EDNRB: variants seen among roughly 807,000 people sequenced by gnomAD.
EDNRB encodes Hirschsprung disease 2.
In EDNRB, 18 loss-of-function variants were observed where a neutral mutation model predicts 46.4. The observed-to-expected ratio is 0.39, with a 90% CI of 0.27 to 0.57. The LOEUF (loss-of-function observed/expected upper bound fraction) is 0.57, where lower values mean the gene tolerates loss of function less well. Among genes scored for constraint, EDNRB ranks in the 20% least tolerant of loss-of-function variants. EDNRB has a pLI of 0.61. For missense variants in EDNRB, 434 were observed against 537.5 expected (o/e 0.81, Z 1.90); for synonymous variants, 213 against 204.9 (o/e 1.04, Z -0.34).
chr13:77,959,382 G>T (rs1881335871), intron 1 of EDNRB, among the ~76,000 whole-genome samples: 1 of 152,224 alleles, frequency 6.6e-6, no homozygotes, highest in Non-Finnish European at 1.5e-5. Context: ...TTGCTGTTCA[G>T]CAATATTCGC....
chr13:77,919,802 C>A, upstream of EDNRB: 3 of 584,248 alleles, frequency 5.1e-6, no homozygotes, highest in Non-Finnish European at 6.0e-6. Flanking sequence ...CAAATGAACC[C>A]AAATCAAGGG....
chr13:77,910,494 A>G (rs909561878), intron 1 of EDNRB, among the ~76,000 whole-genome samples: 1 of 152,140 alleles, frequency 6.6e-6, no homozygotes, highest in African/African-American at 2.4e-5. Context: ...ACACAAAGAA[A>G]TAGTTCAAAG....
intron 1 of EDNRB, among the ~76,000 whole-genome samples, chr13:77,938,334 C>T (rs961465958): frequency 1.4e-4 from 21 of 149,914 alleles, no homozygotes; most frequent in Non-Finnish European, 2.7e-4. Context: ...AGGGATGGGG[C>T]ACAGAGATAA....
chr13:77,935,227 A>G (rs190915272), intron 1 of EDNRB, among the ~76,000 whole-genome samples: 2,213 of 152,340 alleles, frequency 0.015, 46 homozygotes, highest in East Asian at 0.025. Context: ...TTGAGGGCTA[A>G]GCAAAACAGT....
Position 77,918,776 on chromosome 13 carries a change from T to G in EDNRB, c.-203A>C. 7.5e-7 allele frequency: 1 copy of G among 1,335,400 alleles called. No individual in the cohort carries two copies. The highest frequency in any genetic ancestry group is 2.3e-5 in the South Asian group (1 of 43,972). The allele number at this position is 1,335,400 out of a possible 1,614,324, so 82.7% of individuals were successfully genotyped here. Reference sequence around the variant, plus strand: ...GCGCCAGTGGGAAACTTGGCGCTCATGACTCGCCAGCGCGGGTCGAAACTC... The same window carrying G: ...GCGCCAGTGGGAAACTTGGCGCTCAGGACTCGCCAGCGCGGGTCGAAACTC... On this transcript the variant is annotated 5_prime_UTR_variant, in exon 1 of 7. The change abolishes an upstream ATG in the 5' untranslated region. Coordinates refer to ENST00000646607, the MANE Select transcript of EDNRB (RefSeq NM_001122659.3). The surrounding 1 kb of genome is among the most constrained non-coding windows in gnomAD (Gnocchi z 4.5).
intron 1 of EDNRB, among the ~76,000 whole-genome samples, chr13:77,937,052 T>C (rs1455448360): frequency 6.6e-6 from 1 of 152,116 alleles, no homozygotes. Context: ...CAGGAGTGGA[T>C]TGGGTGATAA....
At chr13:77,972,008 G>T (rs148385585) in intron 1 of EDNRB, among the ~76,000 whole-genome samples, 1 of 152,280 alleles carries the variant, frequency 6.6e-6, no homozygotes, top group East Asian at 1.9e-4. Context: ...TAAGCTCATC[G>T]CATCCCTTCA....
chr13:77,972,406 C>T (rs1881761650), intron 1 of EDNRB, among the ~76,000 whole-genome samples: 1 of 152,124 alleles, frequency 6.6e-6, no homozygotes, highest in African/African-American at 2.4e-5. Context: ...TTCTATGATC[C>T]TCTAGTAAAA....
chr13:77,944,373 A>G (rs1162202886), intron 1 of EDNRB, among the ~76,000 whole-genome samples: 3 of 152,156 alleles, frequency 2.0e-5, no homozygotes, highest in Non-Finnish European at 4.4e-5. Flanking sequence ...TGTGATTCCT[A>G]TAAACTCTGA....
At chr13:77,969,047 A>C (rs965030888) in intron 1 of EDNRB, among the ~76,000 whole-genome samples, 9 of 152,182 alleles carry the variant, frequency 5.9e-5, no homozygotes, top group Non-Finnish European at 1.3e-4. Context: ...CAGTTTTCTA[A>C]GAAGCACTGA....
In EDNRB at chr13:77,897,687, C is replaced by T. The variant is rs1239172120; in HGVS notation, c.*513G>A. Reference sequence around the variant, plus strand: ...AAAAATGCAACAACTAAACTGCTCTCTCATTTGCATCTAATTACAATCTGA... The same window carrying T: ...AAAAATGCAACAACTAAACTGCTCTTTCATTTGCATCTAATTACAATCTGA... On this transcript the variant is annotated 3_prime_UTR_variant, in exon 7 of 7. Transcript: ENST00000646607. 1 of 986,724 alleles carries T rather than the reference C, an allele frequency of 1.0e-6. No homozygotes were observed. Among genetic ancestry groups the T allele is most frequent in the Non-Finnish European group, 1.2e-6 (1 of 830,928 alleles). The allele number at this position is 986,724 out of a possible 1,614,324, so 61.1% of individuals were successfully genotyped here.
In EDNRB at chr13:77,918,753, G is replaced by A; in HGVS notation, c.-180C>T. 7.5e-7 allele frequency: 1 copy of A among 1,334,394 alleles called. No homozygotes were observed. The highest frequency in any genetic ancestry group is 2.8e-5 in the East Asian group (1 of 35,242). 82.7% of individuals were successfully genotyped at this position (1,334,394 alleles called of 1,614,324 possible). ...GCTCAAAAGTAACTCAAGTTTGCGC[G>A]CCAGTGGGAAACTTGGCGCTCATGA... On this transcript the variant is annotated 5_prime_UTR_variant, in exon 1 of 7. Coordinates refer to ENST00000646607, the MANE Select transcript of EDNRB (RefSeq NM_001122659.3). This position sits in a 1 kb window ranked among gnomAD's most constrained non-coding sequence, Gnocchi z 4.5.
chr13:77,900,404 A>G (rs761636952), intron 5 of EDNRB, 117 bp downstream of exon 5: 39 of 1,479,558 alleles, frequency 2.6e-5, no homozygotes, highest in Non-Finnish European at 3.4e-5. Context: ...GGGAGTCTCC[A>G]TGACTTCCTA....
At chr13:77,923,480 T>C (rs527583549), upstream of EDNRB, among the ~76,000 whole-genome samples, 2 of 152,348 alleles carry the variant, frequency 1.3e-5, no homozygotes, top group Non-Finnish European at 2.9e-5. Context: ...TATTAAATTA[T>C]TCTTAGGCCA....
chr13:77,964,807 TAAA>T (rs79034855), intron 1 of EDNRB, among the ~76,000 whole-genome samples: 3 of 144,590 alleles, frequency 2.1e-5, no homozygotes, highest in Non-Finnish European at 4.6e-5. Flanking sequence ...GAAAACTATA[TAAA>T]AAAAAAAAGT....
chr13:77,928,986 G>A (rs1880313866), intron 1 of EDNRB, among the ~76,000 whole-genome samples: 1 of 152,138 alleles, frequency 6.6e-6, no homozygotes, highest in South Asian at 2.1e-4. Context: ...TCCAAAGTAG[G>A]CATTTTCAGT....
intron 1 of EDNRB, among the ~76,000 whole-genome samples, chr13:77,972,875 C>T (rs7339077): frequency 0.53 from 80,657 of 151,990 alleles, 22,340 homozygotes; most frequent in Non-Finnish European, 0.63. Context: ...GAGGGGGTGG[C>T]GCTTTCTTGA....
chr13:77,965,594 A>G (rs547245573), intron 1 of EDNRB, among the ~76,000 whole-genome samples: 2 of 152,302 alleles, frequency 1.3e-5, no homozygotes, highest in African/African-American at 4.8e-5. Flanking sequence ...AAACTTAAGT[A>G]ACAATCAGAA....
chr13:77,914,547 C>T (rs780944794), intron 1 of EDNRB, among the ~76,000 whole-genome samples: 3 of 152,124 alleles, frequency 2.0e-5, no homozygotes, highest in Non-Finnish European at 2.9e-5. Context: ...GCGTAAGCAA[C>T]GCTTATTATT....
Sources: gnomAD v4.1 joint callset for allele counts (sites outside exome capture counted in the v4.1 genomes callset) on GRCh38, gnomAD v4.1.1 for gene constraint, Gnocchi (gnomAD v3.1) non-coding constraint, MANE v1.5 for transcripts, NCBI Gene and HGNC (gene_info 2026-07-23, HGNC 2026-07-21) for gene names.